Variants in OIP5 observed in about 807,000 individuals in gnomAD.
OIP5 encodes Opa interacting protein 5.
A neutral mutation model predicts 20.3 loss-of-function variants in OIP5; 24 were observed. That is an observed-to-expected ratio of 1.18 (90% CI 0.86 to 1.66). The LOEUF (loss-of-function observed/expected upper bound fraction) is 1.66, where lower values mean the gene tolerates loss of function less well. Among genes scored for constraint, OIP5 ranks in the 40% most tolerant of loss-of-function variants. The probability of loss-of-function intolerance (pLI) is 0.00; values close to 1 mark genes in which losing one functional copy is unlikely to be tolerated. For synonymous variants in OIP5, 143 were observed against 121.3 expected (o/e 1.18, Z -1.17); for missense variants, 339 against 289.5 (o/e 1.17, Z -1.24).
At chr15:41,329,244 C>G (rs767657829) in intron 2 of OIP5, among the ~76,000 whole-genome samples, 17 of 151,768 alleles carry the variant, frequency 1.1e-4, no homozygotes, top group Admixed American at 4.6e-4. Context: ...CATTTCATAA[C>G]CCTCTTCGTA....
At chr15:41,318,625 T>C (rs2047803279) in intron 3 of OIP5, among the ~76,000 whole-genome samples, 1 of 152,048 alleles carries the variant, frequency 6.6e-6, no homozygotes, top group South Asian at 2.1e-4. Flanking sequence ...GAATACCCTC[T>C]GAATTTTCCC....
At chr15:41,322,795 C>A (rs1489928848) in intron 2 of OIP5, among the ~76,000 whole-genome samples, 1 of 152,036 alleles carries the variant, frequency 6.6e-6, no homozygotes, top group Admixed American at 6.6e-5. Flanking sequence ...ATTAGCCAGG[C>A]CTGGTGGCGG....
intron 2 of OIP5, among the ~76,000 whole-genome samples, chr15:41,323,116 T>C (rs574150878): frequency 2.9e-4 from 44 of 152,284 alleles, no homozygotes; most frequent in African/African-American, 9.6e-4. Context: ...AAATAAAGTG[T>C]CATTAATTTG....
intron 3 of OIP5, among the ~76,000 whole-genome samples, chr15:41,315,200 CG>C (rs1418966164): frequency 1.3e-5 from 2 of 151,288 alleles, no homozygotes; most frequent in Non-Finnish European, 2.9e-5. Flanking sequence ...GAGGCCGAGG[CG>C]GGGGGATCAC....
intron 3 of OIP5, among the ~76,000 whole-genome samples, chr15:41,319,403 C>T (rs1257171812): frequency 6.6e-6 from 1 of 151,930 alleles, no homozygotes; most frequent in African/African-American, 2.4e-5. Context: ...TTACAGGCGT[C>T]TACCACTACA....
intron 3 of OIP5, among the ~76,000 whole-genome samples, chr15:41,315,374 A>G (rs1437998394): frequency 1.3e-5 from 2 of 151,178 alleles, no homozygotes; most frequent in African/African-American, 4.9e-5. Flanking sequence ...GGTTGCAATG[A>G]GCTGAGATCA....
At chr15:41,315,790 A>G (rs977911875) in intron 3 of OIP5, among the ~76,000 whole-genome samples, 2 of 152,204 alleles carry the variant, frequency 1.3e-5, no homozygotes, top group African/African-American at 4.8e-5. Flanking sequence ...GGGATTACTA[A>G]CAGCACACAT....
chr15:41,317,735 G>A (rs7175800), intron 3 of OIP5, among the ~76,000 whole-genome samples: 12,819 of 152,124 alleles, frequency 0.084, 687 homozygotes, highest in East Asian at 0.16. Flanking sequence ...CTAGAATACA[G>A]TGACACAATC....
intron 2 of OIP5, among the ~76,000 whole-genome samples, chr15:41,328,220 T>C (rs1595504079): frequency 6.6e-6 from 1 of 152,370 alleles, no homozygotes; most frequent in Middle Eastern, 3.4e-3. Context: ...AGTCTCGCTA[T>C]GTTGCTCATG....
At chr15:41,312,731 C>A (rs141842230) in intron 4 of OIP5, among the ~76,000 whole-genome samples, 2,091 of 149,980 alleles carry the variant, frequency 0.014, 61 homozygotes, top group African/African-American at 0.05. Flanking sequence ...CCAGTTCAAG[C>A]AATTCTCCTG....
At chr15:41,320,512 G>A (rs950587515) in intron 2 of OIP5, among the ~76,000 whole-genome samples, 3 of 152,160 alleles carry the variant, frequency 2.0e-5, no homozygotes, top group Non-Finnish European at 4.4e-5. Context: ...GCTCCTAACC[G>A]CGAGTGATCC....
chr15:41,311,166 G>A (rs1028244062), intron 4 of OIP5, among the ~76,000 whole-genome samples: 42 of 152,106 alleles, frequency 2.8e-4, no homozygotes, highest in African/African-American at 9.7e-4. Context: ...TCGGAAGTTC[G>A]AGAACAGCCT....
intron 2 of OIP5, among the ~76,000 whole-genome samples, chr15:41,321,777 C>A (rs1228326920): frequency 1.3e-5 from 2 of 151,164 alleles, no homozygotes; most frequent in Non-Finnish European, 3.0e-5. Flanking sequence ...CCCAGGGACA[C>A]AAACACTGCG....
chr15:41,320,766 C>T (rs2047818349), intron 2 of OIP5, among the ~76,000 whole-genome samples: 2 of 151,650 alleles, frequency 1.3e-5, no homozygotes, highest in African/African-American at 4.8e-5. Flanking sequence ...GTGAGGAGCC[C>T]CTCTGCCTGG....
chr15:41,320,852 G>C (rs1208915524), intron 2 of OIP5, among the ~76,000 whole-genome samples: 1 of 150,324 alleles, frequency 6.7e-6, no homozygotes. Context: ...GCCTCTTCCC[G>C]GCCGCCATCC....
intron 2 of OIP5, 24 bp downstream of exon 2, chr15:41,331,891 A>C: frequency 6.3e-7 from 1 of 1,597,980 alleles, no homozygotes; most frequent in Non-Finnish European, 8.6e-7. Flanking sequence ...GGGACTAGAG[A>C]CCAATGTAAT....
Position 41,312,248 on chromosome 15 carries a change from A to G in OIP5, c.594+1025T>C, listed in dbSNP as rs954351825. Among the ~76,000 whole-genome samples, 4 of 148,338 alleles carry G rather than the reference A, an allele frequency of 2.7e-5. No homozygotes were observed. In the Admixed American group the frequency reaches 2.7e-4, roughly 10 times the overall value. The stretch of plus-strand genomic sequence containing the variant: ...ATGATCTTGCCTCACAACAACCTCT[A>G]TCTCGCAGGTTCAAGTGCTTCTCCT... On this transcript the variant is annotated intron_variant, in intron 4 of 4. Transcript: ENST00000220514.
intron 2 of OIP5, among the ~76,000 whole-genome samples, chr15:41,320,284 G>A (rs574291446): frequency 6.8e-4 from 102 of 150,492 alleles, no homozygotes; most frequent in African/African-American, 2.4e-3. Flanking sequence ...CTCTCCCCAC[G>A]GTCTCCCTCT....
At chr15:41,321,505 T>C (rs2047828067) in intron 2 of OIP5, among the ~76,000 whole-genome samples, 1 of 152,192 alleles carries the variant, frequency 6.6e-6, no homozygotes, top group Non-Finnish European at 1.5e-5. Context: ...GGGAAAAGAT[T>C]GAGAAATCGG....
Sources: allele counts gnomAD v4.1 joint callset (sites outside exome capture counted in the v4.1 genomes callset), GRCh38; gene constraint gnomAD v4.1.1; transcripts MANE v1.5; gene names NCBI Gene and HGNC (gene_info 2026-07-23, HGNC 2026-07-21).